The following STK40 variants were observed in gnomAD, a reference collection of about 807,000 sequenced individuals.
STK40 encodes serine/threonine kinase 40.
STK40 carries 13 observed loss-of-function variants against 47.9 expected under a neutral mutation model. The observed-to-expected ratio is 0.27, with a 90% CI of 0.18 to 0.43. The LOEUF (loss-of-function observed/expected upper bound fraction) is 0.43. Ranked by LOEUF, STK40 falls within the 20% of genes least tolerant of loss-of-function variation. The probability of loss-of-function intolerance (pLI) is 1.00; values close to 1 mark genes in which losing one functional copy is unlikely to be tolerated. For missense variants in STK40, 460 were observed against 595.1 expected (o/e 0.77, Z 2.36); for synonymous variants, 225 against 243.2 (o/e 0.93, Z 0.69).
At chr1:36,353,106 C>CCTGGG (rs1646773886) in intron 6 of STK40, among the ~76,000 whole-genome samples, 2 of 152,230 alleles carry the variant, frequency 1.3e-5, no homozygotes, top group African/African-American at 4.8e-5. Flanking sequence ...TCGGGCCCTT[C>CCTGGG]CTGGGCTGGG....
intron 1 of STK40, among the ~76,000 whole-genome samples, chr1:36,368,443 G>T (rs2124745159): frequency 6.6e-6 from 1 of 152,224 alleles, no homozygotes; most frequent in South Asian, 2.1e-4. Context: ...GTAGAGAGGA[G>T]GTCTTGCTAT....
In STK40 at chr1:36,341,554, C is replaced by T. The variant is rs1570429527; in HGVS notation, c.*201G>A. On this transcript the variant is annotated 3_prime_UTR_variant, in exon 11 of 11. Transcript: ENST00000373132. ...ATCTAGGCTTCTCAGATTTAAAAAC[C>T]AAACAATCGAGCAATCATCCCAAAA... 4 of 606,846 alleles carry T rather than the reference C, an allele frequency of 6.6e-6. No individual in the cohort carries two copies. The highest frequency in any genetic ancestry group is 1.2e-5 in the Non-Finnish European group (4 of 346,080). The allele number at this position is 606,846 out of a possible 1,614,324, so 37.6% of individuals were successfully genotyped here.
At chr1:36,345,670 T>C (rs1279949932) in intron 7 of STK40, among the ~76,000 whole-genome samples, 1 of 152,140 alleles carries the variant, frequency 6.6e-6, no homozygotes, top group Non-Finnish European at 1.5e-5. Context: ...CCACCATTCT[T>C]AGCTCTGTAT....
At chr1:36,380,334 C>T (rs1479556002) in intron 1 of STK40, among the ~76,000 whole-genome samples, 1 of 152,204 alleles carries the variant, frequency 6.6e-6, no homozygotes, top group African/African-American at 2.4e-5. Context: ...AAGGCCCGCC[C>T]ACCAGCACAC....
chr1:36,367,997 T>C, intron 1 of STK40: 2 of 485,022 alleles, frequency 4.1e-6, no homozygotes, highest in Non-Finnish European at 5.4e-6. Context: ...TAAGATCTCT[T>C]GGAGCAGGAT....
chr1:36,380,588 C>A (rs1020518880), intron 1 of STK40, among the ~76,000 whole-genome samples: 1 of 152,186 alleles, frequency 6.6e-6, no homozygotes, highest in African/African-American at 2.4e-5. Context: ...GAGAAAGCCT[C>A]TCTCCCCTGA....
At chr1:36,350,596 CAAGAT>C (rs1646743393) in intron 6 of STK40, among the ~76,000 whole-genome samples, 2 of 152,296 alleles carry the variant, frequency 1.3e-5, no homozygotes, top group Admixed American at 6.5e-5. Flanking sequence ...TAGGATTCAG[CAAGAT>C]AAGATAATCT....
intron 1 of STK40, among the ~76,000 whole-genome samples, chr1:36,377,390 G>A (rs1047536603): frequency 2.6e-5 from 4 of 151,510 alleles, no homozygotes; most frequent in African/African-American, 7.3e-5. Flanking sequence ...AAAATTAGCC[G>A]GGTGTGGTGG....
At chr1:36,382,424 C>T (rs1270280548) in intron 1 of STK40, among the ~76,000 whole-genome samples, 2 of 152,156 alleles carry the variant, frequency 1.3e-5, no homozygotes, top group African/African-American at 4.8e-5. Context: ...AGCGATCTGC[C>T]CATCTCGGCC....
chr1:36,377,230 T>C lies in STK40; in HGVS notation c.-9+8493A>G, dbSNP rs188288656. ...AAATCTAAAGATTTTCTGAACCCAT[T>C]AGAATTATTAAGAGTAGTAGTGGAG... On this transcript the variant is annotated intron_variant, in intron 1 of 10. Coordinates refer to ENST00000373132, the MANE Select transcript of STK40 (RefSeq NM_001282547.2). Among the ~76,000 whole-genome samples, 13 of 151,990 alleles carry C rather than the reference T, an allele frequency of 8.6e-5. No individual in the cohort carries two copies. In the East Asian group the frequency reaches 2.5e-3, roughly 29 times the overall value.
chr1:36,352,492 C>T (rs201589646), intron 6 of STK40, among the ~76,000 whole-genome samples: 4 of 152,134 alleles, frequency 2.6e-5, no homozygotes, highest in South Asian at 2.1e-4. Context: ...CACACTCTCA[C>T]GGTCTCCAAG....
Position 36,345,991 on chromosome 1 carries a change from A to ATATATATATTTTTTT in STK40, c.740-1728_740-1727insAAAAAAATATATATA. ...TACATATATATATATATATATATAT[A>ATATATATATTTTTTT]TTTTTTTTTTTTTTTTTTCCTGAGA... On this transcript the variant is annotated intron_variant, in intron 7 of 10. Transcript: ENST00000373132. Among the ~76,000 whole-genome samples, 15 of 26,464 alleles carry ATATATATATTTTTTT rather than the reference A, an allele frequency of 5.7e-4. 1 individual carries two copies. The highest frequency in any genetic ancestry group is 1.6e-3 in the South Asian group (1 of 644). The allele number at this position is 26,464 out of a possible 152,430, so 17.4% of individuals were successfully genotyped here. A position where few individuals can be genotyped will look rare whatever the true frequency, so the allele number is the denominator to read the frequency against.
At chr1:36,382,648 T>C (rs1400858943) in intron 1 of STK40, among the ~76,000 whole-genome samples, 2 of 152,244 alleles carry the variant, frequency 1.3e-5, no homozygotes, top group Non-Finnish European at 2.9e-5. Context: ...CTCTGTGATC[T>C]TGTGATCCCT....
At chr1:36,355,548 A>T (rs991452511) in intron 4 of STK40, 115 bp from the exon 5 acceptor site, 11 of 1,144,908 alleles carry the variant, frequency 9.6e-6, no homozygotes, top group Non-Finnish European at 1.2e-5. Flanking sequence ...GCCTGGAATT[A>T]GCCTGCATGT....
rs1266814880 is a variant in STK40, at chr1:36,341,635, C to T, written c.*120G>A. The T allele has an allele frequency of 3.1e-6, 4 of 1,272,144 alleles. No individual in the cohort carries two copies. The African/African-American group carries it at 4.4e-5, about 14-fold the overall frequency. The allele number at this position is 1,272,144 out of a possible 1,614,324, so 78.8% of individuals were successfully genotyped here. On this transcript the variant is annotated 3_prime_UTR_variant, in exon 11 of 11. Transcript: ENST00000373132. The stretch of plus-strand genomic sequence containing the variant: ...CGTGTGACCTGGGCTGTCCCTGTCC[C>T]TGCCCTGTCCCTATTGTGGCCCGGG...
chr1:36,343,540 T>C (rs1570432118), intron 9 of STK40, 92 bp from the exon 10 acceptor site: 4 of 1,253,384 alleles, frequency 3.2e-6, no homozygotes, highest in Non-Finnish European at 2.2e-6. Flanking sequence ...TGGGTTGTGT[T>C]CCTGCCATGA....
intron 1 of STK40, among the ~76,000 whole-genome samples, chr1:36,378,269 A>C (rs1344250172): frequency 6.6e-6 from 1 of 152,166 alleles, no homozygotes; most frequent in Non-Finnish European, 1.5e-5. Flanking sequence ...GGAGGAAGGG[A>C]ACATGGGCTT....
intron 7 of STK40, among the ~76,000 whole-genome samples, chr1:36,346,115 C>T (rs1469871262): frequency 2.0e-5 from 3 of 149,694 alleles, no homozygotes; most frequent in East Asian, 2.0e-4. Context: ...CTGCCTCAGC[C>T]TCCCGAGTAG....
chr1:36,356,429 T>TC (rs1646805447), intron 4 of STK40, among the ~76,000 whole-genome samples: 1 of 143,698 alleles, frequency 7.0e-6, no homozygotes, highest in African/African-American at 2.6e-5. Flanking sequence ...TTTTTTTTTT[T>TC]TTTTTTTTTT....
Sources: allele counts gnomAD v4.1 joint callset (sites outside exome capture counted in the v4.1 genomes callset), GRCh38; gene constraint gnomAD v4.1.1; transcripts MANE v1.5; gene names NCBI Gene and HGNC (gene_info 2026-07-23, HGNC 2026-07-21).